MEX3C: variants seen among roughly 807,000 people sequenced by gnomAD.
The protein encoded by MEX3C is mex-3 RNA binding family member C.
A neutral mutation model predicts 35.5 loss-of-function variants in MEX3C; 15 were observed. The ratio of observed to expected loss-of-function variants is 0.42; its 90% CI spans 0.28 to 0.65. The LOEUF (loss-of-function observed/expected upper bound fraction) is 0.65. MEX3C is among the 30% of genes least tolerant of loss of function. The pLI, the probability that MEX3C is intolerant of heterozygous loss-of-function variation, is 0.20. For missense variants in MEX3C, 711 were observed against 842.8 expected (o/e 0.84, Z 1.94); for synonymous variants, 390 against 352.8 (o/e 1.11, Z -1.18).
At chr18:51,189,374 C>G (rs1485603793) in intron 1 of MEX3C, among the ~76,000 whole-genome samples, 1 of 152,004 alleles carries the variant, frequency 6.6e-6, no homozygotes, top group Non-Finnish European at 1.5e-5. Flanking sequence ...TGAGGAAAAC[C>G]GAAGCCTAAA....
chr18:51,186,064 C>CA, intron 1 of MEX3C, among the ~76,000 whole-genome samples: 1 of 152,126 alleles, frequency 6.6e-6, no homozygotes, highest in Non-Finnish European at 1.5e-5. Context: ...GCGTTCCCAG[C>CA]AAAATCACTG....
intron 1 of MEX3C, among the ~76,000 whole-genome samples, chr18:51,188,205 A>T (rs1912578830): frequency 6.6e-6 from 1 of 152,156 alleles, no homozygotes; most frequent in Non-Finnish European, 1.5e-5. Context: ...TTTTAGTTTC[A>T]TTATCAGTAT....
chr18:51,185,683 C>T (rs996780841), intron 1 of MEX3C, among the ~76,000 whole-genome samples: 4 of 152,040 alleles, frequency 2.6e-5, no homozygotes, highest in African/African-American at 7.2e-5. Flanking sequence ...ACCCAAAGGC[C>T]AGGGCAGCGA....
chr18:51,177,025 C>T lies in MEX3C; in HGVS notation c.1306G>A (p.Ala436Thr), dbSNP rs768436507. The T allele has an allele frequency of 6.2e-6, 10 of 1,613,930 alleles. No homozygotes were observed. Among genetic ancestry groups the T allele is most frequent in the Middle Eastern group, 1.7e-4 (1 of 6,060 alleles). Residue 436 changes from alanine to threonine, a missense_variant, in exon 2 of 2, where the codon GCA becomes ACA. Ala to Thr is a moderately conservative substitution (Grantham distance 58). Coordinates refer to ENST00000406189, the MANE Select transcript of MEX3C (RefSeq NM_016626.5). The surrounding 1 kb of genome is among the most constrained non-coding windows in gnomAD (Gnocchi z 4.2). ...TTTCGATAATTGGATATCATTCTTGCGCGGCTAGGAGGAACAGGATTGGAG... is the reference window on the plus strand; with the variant it reads ...TTTCGATAATTGGATATCATTCTTGTGCGGCTAGGAGGAACAGGATTGGAG... ...LSSNPVPPSRARMISNYRNDS... is the reference protein window; with the variant it reads ...LSSNPVPPSRTRMISNYRNDS...
chr18:51,189,262 T>C (rs534403120), intron 1 of MEX3C, among the ~76,000 whole-genome samples: 2 of 152,206 alleles, frequency 1.3e-5, no homozygotes, highest in African/African-American at 2.4e-5. Context: ...ACTGGTAATA[T>C]GAAATCTGGT....
chr18:51,196,600 A>C lies in MEX3C; in HGVS notation c.721T>G (p.Ser241Ala). The change falls in exon 1 of 2, where the codon TCC (serine) becomes GCC (alanine). Residue 241 changes from serine (S) to alanine (A), a missense_variant. This residue lies in a region of MEX3C where 354 missense variants were observed against 311.6 expected (regional missense o/e 1.14). Transcript: ENST00000406189. ...CCGACGATCTCGGCGACGTGCTCGG[A>C]GCTGGGCACCGGGACGCACTCGGTG... ...NTTECVPVPS[S>A]EHVAEIVGRQ... 2 of 1,593,008 alleles carry C rather than the reference A, an allele frequency of 1.3e-6. No homozygotes were observed. The highest frequency in any genetic ancestry group is 2.2e-5 in the South Asian group (2 of 88,982).
At chr18:51,180,057 C>T (rs1300007792) in intron 1 of MEX3C, among the ~76,000 whole-genome samples, 1 of 151,820 alleles carries the variant, frequency 6.6e-6, no homozygotes, top group East Asian at 1.9e-4. Flanking sequence ...CCTTTCATCC[C>T]TTACTAATAT....
At chr18:51,189,079 G>A (rs933013877) in intron 1 of MEX3C, among the ~76,000 whole-genome samples, 35 of 152,298 alleles carry the variant, frequency 2.3e-4, no homozygotes, top group African/African-American at 8.4e-4. Flanking sequence ...ATTAAGAATG[G>A]ATTAAATGAG....
intron 1 of MEX3C, among the ~76,000 whole-genome samples, chr18:51,178,480 A>G (rs1036948133): frequency 6.6e-6 from 1 of 152,126 alleles, no homozygotes; most frequent in African/African-American, 2.4e-5. Context: ...CCAAGGAATA[A>G]AACTCTGGGG....
At position 51,177,254 on chromosome 18, in the gene MEX3C, G is replaced by A; in HGVS notation, c.1077C>T (p.Tyr359=). Residue 359 remains tyrosine (Y), a synonymous_variant, in exon 2 of 2, where the codon TAC becomes TAT. Coordinates refer to ENST00000406189, the MANE Select transcript of MEX3C (RefSeq NM_016626.5). The surrounding 1 kb of genome is among the most constrained non-coding windows in gnomAD (Gnocchi z 4.2). The stretch of plus-strand genomic sequence containing the variant: ...CCTTATCTCTGCTCGGAGTTACTAT[G>A]TAGGTGTGGGTCTGCTGCTGAATTC... ...IKRIQQQTHT[Y]IVTPSRDKEP... 1 of 1,613,998 alleles carries A rather than the reference G, an allele frequency of 6.2e-7. No individual in the cohort carries two copies. The highest frequency in any genetic ancestry group is 8.5e-7 in the Non-Finnish European group (1 of 1,179,892).
rs752163632 is a variant in MEX3C at position 51,177,559 on chromosome 18, G to A, written c.772C>T (p.Leu258=). 2.5e-6 allele frequency: 4 copies of A among 1,597,972 alleles called. No individual in the cohort carries two copies. The highest frequency in any genetic ancestry group is 3.4e-6 in the Non-Finnish European group (4 of 1,174,202). ...ATATACGTGTTTGTCTTGGCTCTCAGTGCTTTAATTTTACAACCTGTTAGA... is the reference window on the plus strand; with the variant it reads ...ATATACGTGTTTGTCTTGGCTCTCAATGCTTTAATTTTACAACCTGTTAGA... ...VGRQGCKIKA[L]RAKTNTYIKT... is the part of the protein sequence containing the mutation. The change falls in exon 2 of 2, where the codon CTG becomes TTG. Residue 258 remains leucine, a synonymous_variant. Transcript: ENST00000406189. The surrounding 1 kb of genome is among the most constrained non-coding windows in gnomAD (Gnocchi z 4.2).
At position 51,176,821 on chromosome 18, in the gene MEX3C, T is replaced by A; in HGVS notation, c.1510A>T (p.Thr504Ser). ...GGAGTCCAGATAGTTTGAGCAGATG[T>A]TGGTAAAGAGTCAAAGGCAGGAGAG... ...VDSPAFDSLP[T>S]SAQTIWTPFE... The change falls in exon 2 of 2, where the codon ACA (threonine) becomes TCA (serine). Residue 504 changes from threonine to serine, a missense_variant. By Grantham distance (58) the Thr-to-Ser change is moderately conservative. This residue lies in a region of MEX3C where 187 missense variants were observed against 201.7 expected (regional missense o/e 0.93). Transcript: ENST00000406189. 6.2e-7 allele frequency: 1 copy of A among 1,613,896 alleles called. No individual in the cohort carries two copies. Among genetic ancestry groups the A allele is most frequent in the Non-Finnish European group, 8.5e-7 (1 of 1,179,864 alleles).
chr18:51,176,435 A>G lies in MEX3C; in HGVS notation c.1896T>C (p.Cys632=). 6.2e-7 allele frequency: 1 copy of G among 1,614,048 alleles called. No homozygotes were observed. Among genetic ancestry groups the G allele is most frequent in the Non-Finnish European group, 8.5e-7 (1 of 1,179,900 alleles). The change falls in exon 2 of 2, where the codon TGT becomes TGC. Residue 632 remains cysteine, a synonymous_variant. Transcript: ENST00000406189. ...PCGHNLFCME[C]ANKICEKRTP... is the part of the protein sequence containing the mutation. ...TTCTCTTTTCACAGATCTTGTTGGC[A>G]CATTCCATGCAGAAGAGGTTGTGGC...
intron 1 of MEX3C, chr18:51,192,991 T>C (rs1023677209): frequency 7.2e-5 from 11 of 152,202 alleles, no homozygotes; most frequent in Admixed American, 7.2e-4. Context: ...GACCAAGCTT[T>C]CTCTTTTTCT....
chr18:51,196,529 G>A, intron 1 of MEX3C, 38 bp downstream of exon 1: 1 of 1,534,138 alleles, frequency 6.5e-7, no homozygotes, highest in Non-Finnish European at 8.7e-7. Context: ...CCACGCCCGG[G>A]GCCATGCCCA....
chr18:51,189,126 G>C (rs1912601936), intron 1 of MEX3C, among the ~76,000 whole-genome samples: 1 of 152,216 alleles, frequency 6.6e-6, no homozygotes, highest in African/African-American at 2.4e-5. Flanking sequence ...CCTGACACAA[G>C]TTTGTTGTTA....
Position 51,176,474 on chromosome 18 carries a change from G to T in MEX3C, c.1857C>A (p.Ala619=). Residue 619 remains alanine, a synonymous_variant, in exon 2 of 2, where the codon GCC becomes GCA. Coordinates refer to ENST00000406189, the MANE Select transcript of MEX3C (RefSeq NM_016626.5). ...VICFENEVIA[A]LVPCGHNLFC... The stretch of plus-strand genomic sequence containing the variant: ...AGAGGTTGTGGCCACATGGAACTAG[G>T]GCAGCAATAACCTCATTCTCAAAGC... The T allele has an allele frequency of 6.2e-7, 1 of 1,613,964 alleles. No homozygotes were observed. Among genetic ancestry groups the T allele is most frequent in the South Asian group, 1.1e-5 (1 of 91,082 alleles).
intron 1 of MEX3C, among the ~76,000 whole-genome samples, chr18:51,184,103 T>C (rs2144552146): frequency 6.6e-6 from 1 of 152,282 alleles, no homozygotes; most frequent in African/African-American, 2.4e-5. Flanking sequence ...TGTTGTAAAT[T>C]GCCTATGGTG....
Position 51,196,906 on chromosome 18 carries a change from A to C in MEX3C, c.415T>G (p.Ser139Ala). Residue 139 changes from serine (S) to alanine (A), a missense_variant, in exon 1 of 2, where the codon TCG (serine) becomes GCG (alanine). Transcript: ENST00000406189. ...GGCGGCGACAGCAGCAGCAGCGACG[A>C]CCGGTCCTCCTCCTCTGCTTCCTCC... Reference protein sequence around the residue: ...ELEEAEEEDRSSLLLLSPPAA... With the variant: ...ELEEAEEEDRASLLLLSPPAA... The C allele has an allele frequency of 2.6e-6, 4 of 1,542,188 alleles. No homozygotes were observed. Among genetic ancestry groups the C allele is most frequent in the Non-Finnish European group, 2.6e-6 (3 of 1,145,846 alleles).
Sources: gnomAD v4.1 joint callset for allele counts (sites outside exome capture counted in the v4.1 genomes callset) on GRCh38, gnomAD v4.1.1 for gene constraint, gnomAD v4.1.1 regional missense constraint, Gnocchi (gnomAD v3.1) non-coding constraint, MANE v1.5 for transcripts, NCBI Gene and HGNC (gene_info 2026-07-23, HGNC 2026-07-21) for gene names.